GNB3: variants seen among roughly 807,000 people sequenced by gnomAD.
The protein encoded by GNB3 is guanine nucleotide-binding protein G(I)/G(S)/G(T) subunit beta-3.
In GNB3, 33 loss-of-function variants were observed where a neutral mutation model predicts 41.2. The observed-to-expected ratio is 0.80, with a 90% CI of 0.61 to 1.07. The LOEUF (loss-of-function observed/expected upper bound fraction) is 1.07. Among genes scored for constraint, GNB3 ranks in the 50% least tolerant of loss-of-function variants. The pLI is 0.00. For synonymous variants in GNB3, 172 were observed against 173.4 expected (o/e 0.99, Z 0.06); for missense variants, 409 against 455.3 (o/e 0.90, Z 0.92).
At position 6,843,087 on chromosome 12, in the gene GNB3, G is replaced by A. The variant is rs373777248; in HGVS notation, c.203+11G>A. The stretch of plus-strand genomic sequence containing the variant: ...GGCCACTGATTCTAAGTGAGGCTTG[G>A]GGGGGAACCGAGAATGGGAGGGTGA... On this transcript the variant is annotated intron_variant, in intron 4 of 9. Coordinates refer to ENST00000229264, the MANE Select transcript of GNB3 (RefSeq NM_002075.4). The surrounding 1 kb of genome is among the most constrained non-coding windows in gnomAD (Gnocchi z 5.9). 1.6e-5 allele frequency: 25 copies of A among 1,604,764 alleles called. No individual in the cohort carries two copies. Among genetic ancestry groups the A allele is most frequent in the Non-Finnish European group, 1.8e-5 (21 of 1,172,282 alleles).
chr12:6,843,816 AT>A lies in GNB3; in HGVS notation c.540del (p.Phe180LeufsTer9), dbSNP rs1943624369. The A allele has an allele frequency of 6.2e-7, 1 of 1,613,932 alleles. No homozygotes were observed. Among genetic ancestry groups the A allele is most frequent in the Non-Finnish European group, 8.5e-7 (1 of 1,179,990 alleles). On this transcript the variant is annotated frameshift_variant, in exon 8 of 10. Transcript: ENST00000229264. LOFTEE classifies it high-confidence loss of function. This position sits in a 1 kb window ranked among gnomAD's most constrained non-coding sequence, Gnocchi z 5.9. ...TTGAGACTGGGCAGCAGAAGACTGTATTTGTGGGACACACGGGTGACTGCAT... is the reference window on the plus strand; with the variant it reads ...TTGAGACTGGGCAGCAGAAGACTGTATTGTGGGACACACGGGTGACTGCAT... ...DIETGQQKTV[F>X]VGHTGDCMSL...
At chr12:6,846,486 C>T (rs1555124744) in intron 9 of GNB3, 1 of 282,078 alleles carries the variant, frequency 3.5e-6, no homozygotes, top group Non-Finnish European at 6.7e-6. Context: ...GATCCCAGCC[C>T]TCCCCCAACC....
Position 6,847,074 on chromosome 12 carries a change from A to T in GNB3, c.*176A>T. 1.7e-6 allele frequency: 1 copy of T among 584,356 alleles called. No individual in the cohort carries two copies. The highest frequency in any genetic ancestry group is 3.1e-6 in the Non-Finnish European group (1 of 324,154). The allele number at this position is 584,356 out of a possible 1,614,324, so 36.2% of individuals were successfully genotyped here. ...CTTTGGGAGGCAGCATCAGGGACAC[A>T]GGGGCAAAGAACTGCCCCATCTCCT... is the stretch of plus-strand genomic sequence containing the variant. On this transcript the variant is annotated 3_prime_UTR_variant, in exon 10 of 10. Coordinates refer to ENST00000229264, the MANE Select transcript of GNB3 (RefSeq NM_002075.4).
Position 6,843,489 on chromosome 12 carries a change from A to G in GNB3, c.394A>G (p.Asn132Asp), listed in dbSNP as rs1318610369. ...CTACAACCTCAAATCCCGTGAGGGC[A>G]ATGTCAAGGTCAGCCGGGAGCTTTC... ...SIYNLKSREG[N>D]VKVSRELSAH... The change falls in exon 6 of 10, where the codon AAT (asparagine) becomes GAT (aspartate). Residue 132 changes from asparagine to aspartate, a missense_variant. Physicochemically the swap from Asn to Asp is conservative, Grantham distance 23 (BLOSUM62 1). Transcript: ENST00000229264. This position sits in a 1 kb window ranked among gnomAD's most constrained non-coding sequence, Gnocchi z 5.9. 14 of 1,614,138 alleles carry G rather than the reference A, an allele frequency of 8.7e-6. No individual in the cohort carries two copies. The highest frequency in any genetic ancestry group is 1.2e-5 in the Non-Finnish European group (14 of 1,180,000).
At position 6,843,954 on chromosome 12, in the gene GNB3, C is replaced by T. The variant is rs1465671356; in HGVS notation, c.675C>T (p.His225=). ...CCTGCCGTCAGACTTTCACTGGCCA[C>T]GAGTCGGACATCAACGCCATCTGTG... The part of the protein sequence containing the change: ...EGTCRQTFTG[H]ESDINAICFF... Residue 225 remains histidine (H), a synonymous_variant, in exon 8 of 10, where the codon CAC becomes CAT. Transcript: ENST00000229264. The surrounding 1 kb of genome is among the most constrained non-coding windows in gnomAD (Gnocchi z 5.9). 5.6e-6 allele frequency: 9 copies of T among 1,612,836 alleles called. No homozygotes were observed. The East Asian group carries it at 6.7e-5, about 12-fold the overall frequency.
rs919007400 is a variant in GNB3, at chr12:6,845,489, G to A, written c.700-97G>A. The A allele has an allele frequency of 1.5e-5, 12 of 776,648 alleles. No homozygotes were observed. The Middle Eastern group carries it at 1.3e-3, about 83-fold the overall frequency. 48.1% of individuals were successfully genotyped at this position (776,648 alleles called of 1,614,324 possible). A position where few individuals can be genotyped will look rare whatever the true frequency, so the allele number is the denominator to read the frequency against. ...GACAGGCAGGGAGGCTGAGAGCAGC[G>A]GCTTGCCCTGGAGCTGTCAGGTGGG... On this transcript the variant is annotated intron_variant, in intron 8 of 9. Transcript: ENST00000229264.
intron 3 of GNB3, chr12:6,841,864 C>G (rs1943582253): frequency 1.5e-6 from 1 of 687,370 alleles, no homozygotes. Flanking sequence ...GACCACAGCC[C>G]CCTCCCAGGG....
chr12:6,845,109 T>G (rs1294595264), intron 8 of GNB3: 1 of 153,698 alleles, frequency 6.5e-6, no homozygotes, highest in Non-Finnish European at 1.4e-5. Context: ...TTTCCCACCT[T>G]TGTCTTTTAT....
intron 9 of GNB3, 75 bp downstream of exon 9, chr12:6,845,877 C>A: frequency 4.0e-6 from 4 of 990,306 alleles, no homozygotes; most frequent in East Asian, 2.4e-5. Flanking sequence ...TTCTGTACCC[C>A]CCATCAGCTC....
intron 3 of GNB3, 35 bp downstream of exon 3, chr12:6,841,659 G>C (rs781801374): frequency 1.0e-5 from 16 of 1,566,540 alleles, no homozygotes; most frequent in Non-Finnish European, 1.4e-5. Flanking sequence ...GCAGGGCATG[G>C]GGGGAGGGGA....
Position 6,840,983 on chromosome 12 carries a change from G to GCTCCCAGGAA in GNB3, c.-79_-70dup. 2.1e-6 allele frequency: 1 copy of GCTCCCAGGAA among 479,282 alleles called. No homozygotes were observed. Among genetic ancestry groups the GCTCCCAGGAA allele is most frequent in the Admixed American group, 3.9e-5 (1 of 25,954 alleles). 29.7% of individuals were successfully genotyped at this position (479,282 alleles called of 1,614,324 possible). On this transcript the variant is annotated 5_prime_UTR_variant, in exon 1 of 10. Coordinates refer to ENST00000229264, the MANE Select transcript of GNB3 (RefSeq NM_002075.4). Reference sequence around the variant, plus strand: ...GCGTCGCAGCTGAGGGAGTAAGGAGGCTCCCAGGAACCGGAGCTGGAAACC... The same window carrying GCTCCCAGGAA: ...GCGTCGCAGCTGAGGGAGTAAGGAGGCTCCCAGGAACTCCCAGGAACCGGAGCTGGAAACC...
At position 6,847,239 on chromosome 12, in the gene GNB3, A is replaced by G. The variant is rs1418702018; in HGVS notation, c.*341A>G. The G allele has an allele frequency of 6.3e-6, 2 of 315,070 alleles. No individual in the cohort carries two copies. Among genetic ancestry groups the G allele is most frequent in the East Asian group, 1.1e-4 (2 of 17,490 alleles). The allele number at this position is 315,070 out of a possible 1,614,324, so 19.5% of individuals were successfully genotyped here. On this transcript the variant is annotated 3_prime_UTR_variant, in exon 10 of 10. Coordinates refer to ENST00000229264, the MANE Select transcript of GNB3 (RefSeq NM_002075.4). ...CTAGGATTCCTCCCCCAGAGCCACT[A>G]CCTTTGTCCAGGCCTGGGTGGTATA...
At position 6,847,322 on chromosome 12, in the gene GNB3, A is replaced by T; in HGVS notation, c.*424A>T. The stretch of plus-strand genomic sequence containing the variant: ...CCACTAGGGTCCTGGCCCTCTTCTT[A>T]TTCATGCTTTCTCCTTTTTCTACCT... On this transcript the variant is annotated 3_prime_UTR_variant, in exon 10 of 10. Coordinates refer to ENST00000229264, the MANE Select transcript of GNB3 (RefSeq NM_002075.4). 5.2e-6 allele frequency: 1 copy of T among 192,396 alleles called. No individual in the cohort carries two copies. The highest frequency in any genetic ancestry group is 2.3e-5 in the African/African-American group (1 of 42,912). The allele number at this position is 192,396 out of a possible 1,614,324, so 11.9% of individuals were successfully genotyped here.
intron 2 of GNB3, 92 bp downstream of exon 2, chr12:6,841,436 G>A: frequency 2.5e-6 from 3 of 1,215,350 alleles, no homozygotes; most frequent in Non-Finnish European, 3.6e-6. Flanking sequence ...TTGCTCTTGA[G>A]TGACTAGAAG....
chr12:6,841,663 G>A (rs1448500661), intron 3 of GNB3, 39 bp downstream of exon 3: 4 of 1,517,858 alleles, frequency 2.6e-6, no homozygotes, highest in Non-Finnish European at 3.6e-6. Context: ...GGCATGGGGG[G>A]AGGGGAAGGG....
chr12:6,846,187 G>A, intron 9 of GNB3: 2 of 234,876 alleles, frequency 8.5e-6, no homozygotes, highest in Non-Finnish European at 1.7e-5. Flanking sequence ...CCTGACTGCA[G>A]CCTAGGGCTC....
chr12:6,841,559 C>A, intron 2 of GNB3, 27 bp from the exon 3 acceptor site: 1 of 1,607,298 alleles, frequency 6.2e-7, no homozygotes, highest in Non-Finnish European at 8.5e-7. Context: ...CTCGCCCTTG[C>A]TCCCCTGATG....
chr12:6,842,874 T>C, intron 3 of GNB3, 96 bp from the exon 4 acceptor site: 1 of 770,790 alleles, frequency 1.3e-6, no homozygotes, highest in Non-Finnish European at 2.1e-6. Context: ...ACCTAGAGCC[T>C]GGCACAGAGC....
intron 8 of GNB3, 128 bp downstream of exon 8, chr12:6,844,106 T>C (rs1319695812): frequency 2.1e-5 from 13 of 628,802 alleles, no homozygotes; most frequent in Middle Eastern, 4.4e-4. Context: ...TTTTTTTTTT[T>C]TTTTTTTTTT....
Sources: allele counts gnomAD v4.1 joint callset, GRCh38; gene constraint gnomAD v4.1.1; non-coding constraint Gnocchi (gnomAD v3.1); transcripts MANE v1.5; gene names NCBI Gene and HGNC (gene_info 2026-07-23, HGNC 2026-07-21).